CCDC30: variants seen among roughly 807,000 people sequenced by gnomAD.
CCDC30 encodes coiled-coil domain-containing protein 30.
CCDC30 carries 70 observed loss-of-function variants against 100.2 expected under a neutral mutation model. That is an observed-to-expected ratio of 0.70 (90% CI 0.58 to 0.85). The LOEUF (loss-of-function observed/expected upper bound fraction) is 0.85. Among genes scored for constraint, CCDC30 ranks in the 40% least tolerant of loss-of-function variants. The pLI is 0.00. For missense variants in CCDC30, 652 were observed against 771.2 expected (o/e 0.85, Z 1.83); for synonymous variants, 233 against 269.5 (o/e 0.86, Z 1.33).
At chr1:42,578,661 T>C (rs571766809) in intron 8 of CCDC30, among the ~76,000 whole-genome samples, 6 of 151,478 alleles carry the variant, frequency 4.0e-5, no homozygotes, top group Non-Finnish European at 7.4e-5. Flanking sequence ...AAGAGTTAAC[T>C]AGTATAAATG....
Position 42,498,295 on chromosome 1 carries a change from G to A in CCDC30, c.358-523G>A, listed in dbSNP as rs148677881. On this transcript the variant is annotated intron_variant, in intron 5 of 16. Transcript: ENST00000668663. ...TGGCTGGGGAGAGGGAGTAACGGGAGTTATTGTTTAATGGGTATAGAGTTT... is the reference window on the plus strand; with the variant it reads ...TGGCTGGGGAGAGGGAGTAACGGGAATTATTGTTTAATGGGTATAGAGTTT... Among the ~76,000 whole-genome samples the A allele has an allele frequency of 7.0e-4, 107 of 152,292 alleles. No homozygotes were observed. In the Middle Eastern group the frequency reaches 0.01, roughly 15 times the overall value.
At chr1:42,653,707 G>C in intron 16 of CCDC30, 111 bp from the exon 21 acceptor site, 1 of 747,810 alleles carries the variant, frequency 1.3e-6, no homozygotes, top group Non-Finnish European at 2.2e-6. Context: ...ATTTGGCTTT[G>C]TGTAACAGTT....
At chr1:42,515,273 C>T (rs1189290808) in intron 6 of CCDC30, among the ~76,000 whole-genome samples, 1 of 151,458 alleles carries the variant, frequency 6.6e-6, no homozygotes, top group African/African-American at 2.4e-5. Flanking sequence ...AATGATGCTA[C>T]CCAGAGTCTC....
At chr1:42,614,319 ATC>A in intron 11 of CCDC30, among the ~76,000 whole-genome samples, 1 of 151,754 alleles carries the variant, frequency 6.6e-6, no homozygotes, top group Non-Finnish European at 1.5e-5. Flanking sequence ...TGACCTCGTG[ATC>A]CACCCGCCTC....
intron 6 of CCDC30, among the ~76,000 whole-genome samples, chr1:42,541,400 A>T (rs1354819536): frequency 6.6e-6 from 1 of 152,238 alleles, no homozygotes; most frequent in Non-Finnish European, 1.5e-5. Flanking sequence ...TTGAGTCAAC[A>T]CAAACATGCA....
intron 10 of CCDC30, among the ~76,000 whole-genome samples, chr1:42,599,195 A>G (rs1174404440): frequency 4.6e-5 from 7 of 152,240 alleles, no homozygotes; most frequent in Non-Finnish European, 7.3e-5. Context: ...GTATAAATAT[A>G]TATACACACA....
intron 11 of CCDC30, among the ~76,000 whole-genome samples, chr1:42,617,247 T>G (rs1034024824): frequency 1.3e-5 from 2 of 152,130 alleles, no homozygotes; most frequent in South Asian, 2.1e-4. Flanking sequence ...AAAACCAGCC[T>G]AGGGAACGAA....
exon 16 of CCDC30, chr1:42,653,411 A>G: frequency 6.2e-7 from 1 of 1,606,956 alleles, no homozygotes; most frequent in Admixed American, 1.7e-5. Flanking sequence ...AATCCGAAGT[A>G]GTGAATGAAA....
At chr1:42,561,838 G>A (rs911945732) in intron 6 of CCDC30, among the ~76,000 whole-genome samples, 3 of 152,110 alleles carry the variant, frequency 2.0e-5, no homozygotes, top group Non-Finnish European at 4.4e-5. Context: ...AATCATGAAT[G>A]AACTCCCACT....
At chr1:42,499,667 A>T (rs541507444) in intron 6 of CCDC30, among the ~76,000 whole-genome samples, 2 of 152,108 alleles carry the variant, frequency 1.3e-5, no homozygotes, top group African/African-American at 4.8e-5. Context: ...TTTTGTAGAG[A>T]TGAGGTCTCA....
rs145513448 is a variant in CCDC30 at position 42,493,985 on chromosome 1, G to C, written c.242-3113G>C. On this transcript the variant is annotated intron_variant, in intron 4 of 16. Coordinates refer to ENST00000668663, the Ensembl canonical transcript of CCDC30. Reference sequence around the variant, plus strand: ...TCCCAGCACTTTGGGAGGCCAAGGGGGGTGAATCACTTGAAGTCAAGAGTT... The same window carrying C: ...TCCCAGCACTTTGGGAGGCCAAGGGCGGTGAATCACTTGAAGTCAAGAGTT... 6.1e-3 allele frequency among the ~76,000 whole-genome samples: 926 copies of C among 152,228 alleles called. 6 individuals are homozygous for C. The highest frequency in any genetic ancestry group is 0.021 in the African/African-American group (864 of 41,544).
At chr1:42,466,196 A>G (rs188003706) in intron 1 of CCDC30, among the ~76,000 whole-genome samples, 4 of 152,326 alleles carry the variant, frequency 2.6e-5, no homozygotes, top group East Asian at 1.9e-4. Flanking sequence ...TGGCTGTGCT[A>G]TGTACTTTGT....
intron 3 of CCDC30, among the ~76,000 whole-genome samples, chr1:42,488,086 G>A (rs1443906752): frequency 6.6e-6 from 1 of 152,022 alleles, no homozygotes; most frequent in Non-Finnish European, 1.5e-5. Context: ...GATGGATGTA[G>A]GTATTACCAT....
intron 10 of CCDC30, among the ~76,000 whole-genome samples, chr1:42,597,886 A>T (rs1329399805): frequency 6.6e-6 from 1 of 151,920 alleles, no homozygotes; most frequent in African/African-American, 2.4e-5. Flanking sequence ...CGCCAGGCAC[A>T]GTGGCTCACA....
At chr1:42,637,284 T>C (rs1333221130) in exon 12 of CCDC30, 1 of 1,581,970 alleles carries the variant, frequency 6.3e-7, no homozygotes, top group East Asian at 2.2e-5. Context: ...CTTCAAAAAG[T>C]CAAGTATCGT....
chr1:42,460,094 T>A (rs879216175), upstream of CCDC30: 4 of 1,374,474 alleles, frequency 2.9e-6, no homozygotes, highest in South Asian at 3.9e-5. Flanking sequence ...ACACCTGATA[T>A]GATGTCATTT....
intron 6 of CCDC30, among the ~76,000 whole-genome samples, chr1:42,562,295 A>G (rs1484070039): frequency 6.6e-6 from 1 of 152,150 alleles, no homozygotes; most frequent in African/African-American, 2.4e-5. Flanking sequence ...CCTCAGAAAT[A>G]ACACCACACA....
chr1:42,457,154 C>T, the CCDC30 span: 8 of 1,593,848 alleles, frequency 5.0e-6, no homozygotes, highest in Non-Finnish European at 6.8e-6. Context: ...TCCTGCTTAC[C>T]CACGGATCTC....
At chr1:42,620,185 A>G (rs2148656111) in intron 11 of CCDC30, among the ~76,000 whole-genome samples, 2 of 152,316 alleles carry the variant, frequency 1.3e-5, no homozygotes, top group South Asian at 4.1e-4. Flanking sequence ...CAGGAGCTAA[A>G]TGATAAAAAC....
Sources: gnomAD v4.1 joint callset for allele counts (sites outside exome capture counted in the v4.1 genomes callset) on GRCh38, gnomAD v4.1.1 for gene constraint, MANE v1.5 for transcripts, NCBI Gene and HGNC (gene_info 2026-07-23, HGNC 2026-07-21) for gene names.